The following BIN2 variants were observed in gnomAD, a reference collection of about 807,000 sequenced individuals.
The protein encoded by BIN2 is bridging integrator 2, also known as breast cancer associated protein BRAP1.
In BIN2, 43 loss-of-function variants were observed where a neutral mutation model predicts 67.9. That is an observed-to-expected ratio of 0.63 (90% confidence interval 0.50 to 0.82). The LOEUF is 0.82. BIN2 is among the 40% of genes least tolerant of loss of function. BIN2 has a pLI of 0.00. For missense variants in BIN2, 581 were observed against 671.6 expected, an observed-to-expected ratio of 0.87 and a Z score of 1.49; for synonymous variants, 244 against 246.8, an observed-to-expected ratio of 0.99 and a Z score of 0.11.
intron 1 of BIN2, among the ~76,000 whole-genome samples, chr12:51,316,532 A>G (rs904685509): frequency 6.6e-6 from 1 of 152,108 alleles, no homozygotes; most frequent in Non-Finnish European, 1.5e-5. Flanking sequence ...TGTATCTTTA[A>G]GTAATAGTTC....
chr12:51,290,975 C>T (rs1178581134), intron 10 of BIN2, among the ~76,000 whole-genome samples: 2 of 150,344 alleles, frequency 1.3e-5, no homozygotes, highest in African/African-American at 4.9e-5. Context: ...ATGGAGAAAC[C>T]CCGTCTCTAC....
chr12:51,310,217 T>C (rs1945962093), intron 2 of BIN2, among the ~76,000 whole-genome samples: 1 of 152,164 alleles, frequency 6.6e-6, no homozygotes, highest in African/African-American at 2.4e-5. Flanking sequence ...ATAGAAAATA[T>C]GGAAGACATA....
rs781521252 is a variant in BIN2, at chr12:51,303,118, C to G, written c.186G>C (p.Lys62Asn). The G allele has an allele frequency of 6.2e-7, 1 of 1,614,150 alleles. No homozygotes were observed. The highest frequency in any genetic ancestry group is 8.5e-7 in the Non-Finnish European group (1 of 1,180,012). Residue 62 changes from lysine to asparagine, a missense_variant, in exon 3 of 13, where the codon AAG becomes AAC. Lys to Asn is a moderately conservative substitution (Grantham distance 94, BLOSUM62 0). Coordinates refer to ENST00000615107, the MANE Select transcript of BIN2 (RefSeq NM_016293.4). ...CTGCACTAAGGAAGTTCTTCAGGTC[C>G]TTGTACAGCTTGTGGCCTTCTGCCT... ...QQQAEGHKLYKDLKNFLSAVK... is the reference protein window; with the variant it reads ...QQQAEGHKLYNDLKNFLSAVK...
At chr12:51,294,394 G>A (rs534304200) in intron 9 of BIN2, among the ~76,000 whole-genome samples, 17 of 151,992 alleles carry the variant, frequency 1.1e-4, no homozygotes, top group African/African-American at 4.1e-4. Flanking sequence ...TGGTGAAACC[G>A]CGTCTCTACT....
chr12:51,289,354 C>A (rs1945326339), intron 10 of BIN2, among the ~76,000 whole-genome samples: 1 of 152,014 alleles, frequency 6.6e-6, no homozygotes, highest in Admixed American at 6.6e-5. Flanking sequence ...GTGGCTCACA[C>A]CTGTAAGCCC....
At chr12:51,302,170 TA>T in intron 4 of BIN2, 55 bp from the exon 5 acceptor site, 1 of 1,348,986 alleles carries the variant, frequency 7.4e-7, no homozygotes, top group Middle Eastern at 1.8e-4. Context: ...AACAACTGCC[TA>T]CCAGGGAAAT....
In BIN2 at chr12:51,297,150, T is replaced by G; in HGVS notation, c.617A>C (p.Tyr206Ser). 2 of 1,613,924 alleles carry G rather than the reference T, an allele frequency of 1.2e-6. No homozygotes were observed. The highest frequency in any genetic ancestry group is 1.7e-6 in the Non-Finnish European group (2 of 1,179,842). ...PILYNSRIGC[Y>S]VTIFQNISNL... ...GGAAATGTTTTGGAAGATGGTCACA[T>G]AGCAGCCAATACGACTATTAGGAAG... is the stretch of plus-strand genomic sequence containing the variant. The change falls in exon 8 of 13, where the codon TAT (tyrosine) becomes TCT (serine). Residue 206 changes from tyrosine (Y) to serine (S), a missense_variant. Physicochemically the swap from Tyr to Ser is moderately radical, Grantham distance 144. Transcript: ENST00000615107.
intron 2 of BIN2, among the ~76,000 whole-genome samples, chr12:51,308,282 G>A (rs1343602494): frequency 6.6e-6 from 1 of 152,144 alleles, no homozygotes; most frequent in Non-Finnish European, 1.5e-5. Context: ...ATCTATAAAT[G>A]CAGGGTAAGC....
intron 2 of BIN2, among the ~76,000 whole-genome samples, chr12:51,304,787 C>A (rs1005429769): frequency 6.6e-6 from 1 of 151,958 alleles, no homozygotes; most frequent in East Asian, 1.9e-4. Flanking sequence ...GAGGCCGAGG[C>A]GGGCGGATCA....
At chr12:51,313,589 C>T (rs1053697036) in intron 2 of BIN2, among the ~76,000 whole-genome samples, 3 of 152,082 alleles carry the variant, frequency 2.0e-5, no homozygotes, top group African/African-American at 4.8e-5. Flanking sequence ...GATCCGCCCG[C>T]CTCGCCCTCC....
At chr12:51,317,397 G>A (rs1946161577) in intron 1 of BIN2, among the ~76,000 whole-genome samples, 1 of 152,194 alleles carries the variant, frequency 6.6e-6, no homozygotes, top group African/African-American at 2.4e-5. Flanking sequence ...GCTAGGCGCA[G>A]TGGCTCACGC....
rs1031506424 is a variant in BIN2, at chr12:51,320,936, A to ACACACACACACACACACACACACACACAC, written c.81+3085_81+3086insGTGTGTGTGTGTGTGTGTGTGTGTGTGTG. Among the ~76,000 whole-genome samples, 322 of 138,752 alleles carry ACACACACACACACACACACACACACACAC rather than the reference A, an allele frequency of 2.3e-3. 10 individuals are homozygous for ACACACACACACACACACACACACACACAC. Among genetic ancestry groups the ACACACACACACACACACACACACACACAC allele is most frequent in the East Asian group, 5.2e-3 (25 of 4,786 alleles). The allele number at this position is 138,752 out of a possible 152,430, so 91.0% of individuals were successfully genotyped here. A position where few individuals can be genotyped will look rare whatever the true frequency, so the allele number is the denominator to read the frequency against. ...AAATGAGAAGATGTATCATACTAAAAACACACACACACACACAAACACACA... is the reference window on the plus strand; with the variant it reads ...AAATGAGAAGATGTATCATACTAAAACACACACACACACACACACACACACACACACACACACACACACACAAACACACA... On this transcript the variant is annotated intron_variant, in intron 1 of 12. Coordinates refer to ENST00000615107, the MANE Select transcript of BIN2 (RefSeq NM_016293.4).
intron 1 of BIN2, among the ~76,000 whole-genome samples, chr12:51,318,182 G>A (rs969433714): frequency 4.6e-5 from 7 of 152,180 alleles, no homozygotes; most frequent in Non-Finnish European, 8.8e-5. Flanking sequence ...ATTGTGAAGG[G>A]CTTTGAATGC....
intron 10 of BIN2, among the ~76,000 whole-genome samples, chr12:51,291,180 A>T (rs1945371490): frequency 6.6e-6 from 1 of 152,166 alleles, no homozygotes; most frequent in Non-Finnish European, 1.5e-5. Flanking sequence ...AACAAAAAAA[A>T]GTCAATTACC....
At chr12:51,306,900 G>C (rs1171712112) in intron 2 of BIN2, among the ~76,000 whole-genome samples, 3 of 152,166 alleles carry the variant, frequency 2.0e-5, no homozygotes, top group Non-Finnish European at 4.4e-5. Flanking sequence ...TTTAAATGTG[G>C]ATAAGGGAGG....
intron 2 of BIN2, among the ~76,000 whole-genome samples, chr12:51,308,181 T>C (rs1330037837): frequency 9.2e-5 from 14 of 152,134 alleles, no homozygotes; most frequent in Admixed American, 9.2e-4. Context: ...GTGACTCTCA[T>C]AGTCTTGGGT....
chr12:51,288,364 A>G (rs973602236), intron 10 of BIN2, among the ~76,000 whole-genome samples, 176 bp from the exon 11 acceptor site: 4 of 152,116 alleles, frequency 2.6e-5, no homozygotes, highest in African/African-American at 9.7e-5. Context: ...GAAATCTCAC[A>G]CACTTCTCCC....
At chr12:51,323,283 C>A (rs1436729520) in intron 1 of BIN2, 3 of 152,188 alleles carry the variant, frequency 2.0e-5, no homozygotes, top group Non-Finnish European at 4.4e-5. Flanking sequence ...ACAAAAATGC[C>A]ATCAAAATGT....
chr12:51,295,152 C>T (rs1446468255), intron 9 of BIN2, among the ~76,000 whole-genome samples: 1 of 151,826 alleles, frequency 6.6e-6, no homozygotes, highest in Non-Finnish European at 1.5e-5. Flanking sequence ...ACTATGTTGC[C>T]CAGACTGGTT....
Sources: gnomAD v4.1 joint callset for allele counts (sites outside exome capture counted in the v4.1 genomes callset) on GRCh38, gnomAD v4.1.1 for gene constraint, MANE v1.5 for transcripts, NCBI Gene and HGNC (gene_info 2026-07-23, HGNC 2026-07-21) for gene names.